Variants in PAQR3 observed in about 807,000 individuals in gnomAD.
PAQR3 encodes the protein Raf kinase trapping to Golgi.
Under a neutral mutation model 41.7 loss-of-function variants are expected in PAQR3, and 39 were observed. The observed-to-expected ratio is 0.93, with a 90% confidence interval of 0.72 to 1.22. The LOEUF is 1.22. Among genes scored for constraint, PAQR3 ranks in the 50% most tolerant of loss-of-function variants. The probability of loss-of-function intolerance (pLI) is 0.00; values close to 1 mark genes in which losing one functional copy is unlikely to be tolerated. For missense variants in PAQR3, 366 were observed against 385.6 expected (o/e 0.95, Z 0.42); for synonymous variants, 140 against 140.6 (o/e 1.00, Z 0.03).
rs1316227567 is a variant in PAQR3, at chr4:78,913,074, CTT to C, written c.*7463_*7464del. ...AAATCATGTTGCATTTAACAATGTA[CTT>C]TATTAGCAACTTCACCAAATATTCC... is the stretch of plus-strand genomic sequence containing the variant. On this transcript the variant is annotated 3_prime_UTR_variant, in exon 6 of 6. Transcript: ENST00000512733. 6.6e-6 allele frequency: 1 copy of C among 152,188 alleles called. No individual in the cohort carries two copies. The highest frequency in any genetic ancestry group is 1.9e-4 in the East Asian group (1 of 5,202). The allele number at this position is 152,188 out of a possible 1,614,324, so 9.4% of individuals were successfully genotyped here.
At chr4:78,887,124 T>A (rs912340437), downstream of PAQR3, 18 of 1,279,358 alleles carry the variant, frequency 1.4e-5, no homozygotes, top group Non-Finnish European at 2.0e-5. Flanking sequence ...AATTTAAAGA[T>A]CATTTTTATT....
rs1471819895 is a variant in PAQR3 at position 78,918,615 on chromosome 4, A to G, written c.*1924T>C. 2 of 961,806 alleles carry G rather than the reference A, an allele frequency of 2.1e-6. No individual in the cohort carries two copies. Among genetic ancestry groups the G allele is most frequent in the African/African-American group, 3.5e-5 (2 of 56,568 alleles). The allele number at this position is 961,806 out of a possible 1,614,324, so 59.6% of individuals were successfully genotyped here. On this transcript the variant is annotated 3_prime_UTR_variant, in exon 6 of 6. Coordinates refer to ENST00000512733, the MANE Select transcript of PAQR3 (RefSeq NM_001040202.2). ...AGAAACACGGATTTAAAAACACAGT[A>G]TACTCTTTTCATGTTATTAATTCAA...
chr4:78,930,773 C>G (rs1252464965), intron 2 of PAQR3, among the ~76,000 whole-genome samples: 2 of 132,316 alleles, frequency 1.5e-5, no homozygotes, highest in African/African-American at 3.0e-5. Flanking sequence ...CTTACTCAAT[C>G]TATTCCCCAG....
At chr4:78,907,842 G>A (rs750039381), downstream of PAQR3, among the ~76,000 whole-genome samples, 1 of 152,126 alleles carries the variant, frequency 6.6e-6, no homozygotes, top group African/African-American at 2.4e-5. Flanking sequence ...GGAGGTGTCC[G>A]TGAGCAGGCG....
At chr4:78,888,539 C>T (rs1438971790) in intron 11 of PAQR3, among the ~76,000 whole-genome samples, 1 of 152,070 alleles carries the variant, frequency 6.6e-6, no homozygotes, top group African/African-American at 2.4e-5. Context: ...TTTGCATGGA[C>T]CTATACAACT....
chr4:78,887,142 A>AT, exon 13 of PAQR3: 1 of 1,371,662 alleles, frequency 7.3e-7, no homozygotes, highest in East Asian at 2.4e-5. Context: ...ATTTCATTTC[A>AT]TTTTTTATTT....
At chr4:78,911,126 C>T, downstream of PAQR3, 2 of 1,614,000 alleles carry the variant, frequency 1.2e-6, no homozygotes, top group South Asian at 1.1e-5. Flanking sequence ...GTATTTGGCG[C>T]TGTCCCCTTC....
chr4:78,935,247 C>G lies in PAQR3; in HGVS notation c.222G>C (p.Trp74Cys), dbSNP rs756862317. Reference protein sequence around the residue: ...FILSNETVNIWSHLLGFFLFF... With the variant: ...FILSNETVNICSHLLGFFLFF... ...AGAGAAAGAAACCCAGCAAATGACT[C>G]CAGATGTTTACTGTCTCATTAGATA... The change falls in exon 2 of 6, where the codon TGG (tryptophan) becomes TGC (cysteine). Residue 74 changes from tryptophan (W) to cysteine (C), a missense_variant. By Grantham distance (215) the Trp-to-Cys change is radical (BLOSUM62 -2). Coordinates refer to ENST00000512733, the MANE Select transcript of PAQR3 (RefSeq NM_001040202.2). The G allele has an allele frequency of 6.2e-7, 1 of 1,613,356 alleles. No homozygotes were observed. Among genetic ancestry groups the G allele is most frequent in the Non-Finnish European group, 8.5e-7 (1 of 1,179,666 alleles).
At chr4:78,895,429 T>C (rs1733650641) in intron 11 of PAQR3, among the ~76,000 whole-genome samples, 1 of 152,158 alleles carries the variant, frequency 6.6e-6, no homozygotes, top group Non-Finnish European at 1.5e-5. Context: ...TCTCACAAAT[T>C]TCAAAAAGTG....
downstream of PAQR3, chr4:78,911,243 C>T: frequency 6.2e-7 from 1 of 1,613,994 alleles, no homozygotes; most frequent in African/African-American, 1.3e-5. Flanking sequence ...GATGTATTCA[C>T]AAAGGCGCCT....
intron 11 of PAQR3, among the ~76,000 whole-genome samples, chr4:78,898,071 C>T (rs955583569): frequency 6.6e-6 from 1 of 152,112 alleles, no homozygotes; most frequent in African/African-American, 2.4e-5. Flanking sequence ...TGCATGTGAA[C>T]TTACAGGAAT....
At chr4:78,903,893 T>G (rs926806881) in intron 11 of PAQR3, among the ~76,000 whole-genome samples, 2 of 151,980 alleles carry the variant, frequency 1.3e-5, no homozygotes, top group Non-Finnish European at 2.9e-5. Flanking sequence ...ACTGGTAGTT[T>G]AATTGTAGAA....
chr4:78,929,947 G>A (rs542600678), intron 3 of PAQR3, among the ~76,000 whole-genome samples: 7 of 152,164 alleles, frequency 4.6e-5, no homozygotes, highest in African/African-American at 1.7e-4. Flanking sequence ...GAAAATAACT[G>A]TATATATATT....
chr4:78,909,334 C>T (rs113794472), downstream of PAQR3, among the ~76,000 whole-genome samples: 419 of 149,472 alleles, frequency 2.8e-3, 2 homozygotes, highest in Non-Finnish European at 4.5e-3. Flanking sequence ...CCGCACCCAG[C>T]CCCCTTAGTG....
intron 3 of PAQR3, among the ~76,000 whole-genome samples, chr4:78,929,748 T>C (rs1653079028): frequency 6.6e-6 from 1 of 152,192 alleles, no homozygotes; most frequent in Non-Finnish European, 1.5e-5. Flanking sequence ...TTCCTGTATT[T>C]TTTTTCACTG....
intron 1 of PAQR3, among the ~76,000 whole-genome samples, chr4:78,936,692 T>A (rs751699557): frequency 1.1e-4 from 17 of 152,222 alleles, no homozygotes; most frequent in Non-Finnish European, 2.4e-4. Flanking sequence ...CGAATGTGCT[T>A]GAAACATCTA....
intron 2 of PAQR3, among the ~76,000 whole-genome samples, chr4:78,934,242 T>C (rs1024854358): frequency 6.6e-6 from 1 of 152,196 alleles, no homozygotes; most frequent in Non-Finnish European, 1.5e-5. Context: ...TTCTTGGCCA[T>C]TGAAGTCCAA....
At position 78,916,129 on chromosome 4, in the gene PAQR3, T is replaced by C. The variant is rs1252232378; in HGVS notation, c.*4410A>G. 4 of 151,948 alleles carry C rather than the reference T, an allele frequency of 2.6e-5. No individual in the cohort carries two copies. The highest frequency in any genetic ancestry group is 4.8e-5 in the African/African-American group (2 of 41,438). The allele number at this position is 151,948 out of a possible 1,614,324, so 9.4% of individuals were successfully genotyped here. Reference sequence around the variant, plus strand: ...CTCAAATATAGCTGGGAAACAATTATGAGATAGACTCAGTCTCCCCCTCCC... The same window carrying C: ...CTCAAATATAGCTGGGAAACAATTACGAGATAGACTCAGTCTCCCCCTCCC... On this transcript the variant is annotated 3_prime_UTR_variant, in exon 6 of 6. Transcript: ENST00000512733.
rs144489228 is a variant in PAQR3, at chr4:78,938,512, T to C, written c.185+528A>G. ...TGTGTAATTATCTATTTAATGTCTG[T>C]TACCCAGGCTACACCTTAGTAGCTT... On this transcript the variant is annotated intron_variant, in intron 1 of 5. Coordinates refer to ENST00000512733, the MANE Select transcript of PAQR3 (RefSeq NM_001040202.2). 3.5e-3 allele frequency among the ~76,000 whole-genome samples: 528 copies of C among 152,306 alleles called. 1 individual carries two copies. The highest frequency in any genetic ancestry group is 6.3e-3 in the Non-Finnish European group (426 of 68,020).
Sources: gnomAD v4.1 joint callset for allele counts (sites outside exome capture counted in the v4.1 genomes callset) on GRCh38, gnomAD v4.1.1 for gene constraint, MANE v1.5 for transcripts, NCBI Gene and HGNC (gene_info 2026-07-23, HGNC 2026-07-21) for gene names.